The following PTPRT variants were observed in gnomAD, a reference collection of about 807,000 sequenced individuals.
PTPRT encodes receptor-type tyrosine-protein phosphatase T.
In PTPRT, 56 loss-of-function variants were observed where a neutral mutation model predicts 176.8. The observed-to-expected ratio is 0.32, with a 90% confidence interval of 0.26 to 0.40. The LOEUF is 0.40. Ranked by LOEUF, PTPRT falls within the 10% of genes least tolerant of loss-of-function variation. PTPRT has a pLI of 1.00. For synonymous variants in PTPRT, 783 were observed against 739.0 expected (o/e 1.06, Z -0.96); for missense variants, 1,540 against 1,908.2 (o/e 0.81, Z 3.60).
chr20:42,051,420 G>C, the PTPRT span, among the ~76,000 whole-genome samples: 1 of 152,198 alleles, frequency 6.6e-6, no homozygotes, highest in Non-Finnish European at 1.5e-5. Context: ...GGCAAGGAGG[G>C]AAAAGAATTG....
At chr20:42,108,403 GATA>G (rs1337249574) in intron 23 of PTPRT, among the ~76,000 whole-genome samples, 1 of 151,390 alleles carries the variant, frequency 6.6e-6, no homozygotes, top group African/African-American at 2.4e-5. Flanking sequence ...AAATGATGTT[GATA>G]ATAATTAAAA....
intron 7 of PTPRT, among the ~76,000 whole-genome samples, chr20:42,614,252 G>C (rs912940854): frequency 6.6e-6 from 1 of 151,952 alleles, no homozygotes; most frequent in Admixed American, 6.6e-5. Context: ...TTTTTGTAAG[G>C]ACACCTGTCA....
intron 1 of PTPRT, among the ~76,000 whole-genome samples, chr20:43,159,312 G>A (rs2014618532): frequency 6.6e-6 from 1 of 152,188 alleles, no homozygotes; most frequent in Non-Finnish European, 1.5e-5. Flanking sequence ...AGATGCAATT[G>A]GAAGTCGGCT....
intron 7 of PTPRT, among the ~76,000 whole-genome samples, chr20:42,569,947 T>G (rs1362539949): frequency 6.6e-6 from 1 of 152,180 alleles, no homozygotes; most frequent in African/African-American, 2.4e-5. Flanking sequence ...AACTACTAAG[T>G]CTATGTTACA....
intron 1 of PTPRT, among the ~76,000 whole-genome samples, chr20:42,903,500 G>C (rs574404127): frequency 7.9e-5 from 12 of 152,298 alleles, no homozygotes; most frequent in Non-Finnish European, 1.5e-4. Context: ...CTCGATAATA[G>C]CATCCGGCGT....
Position 43,098,318 on chromosome 20 carries a change from A to G in PTPRT, c.88+91328T>C, listed in dbSNP as rs527823081. Reference sequence around the variant, plus strand: ...ACAGCCTAGGTTCCGGTCCCAGCTGAAAGACCTTGGCCATGTGACTCAACC... The same window carrying G: ...ACAGCCTAGGTTCCGGTCCCAGCTGGAAGACCTTGGCCATGTGACTCAACC... On this transcript the variant is annotated intron_variant, in intron 1 of 30. Coordinates refer to ENST00000373187, the MANE Select transcript of PTPRT (RefSeq NM_007050.6). Among the ~76,000 whole-genome samples the G allele has an allele frequency of 5.3e-5, 8 of 152,316 alleles. No homozygotes were observed. The South Asian group carries it at 1.5e-3, about 28-fold the overall frequency.
At chr20:42,931,602 G>A (rs571590793) in intron 1 of PTPRT, among the ~76,000 whole-genome samples, 3 of 152,306 alleles carry the variant, frequency 2.0e-5, no homozygotes, top group Admixed American at 2.0e-4. Flanking sequence ...CCTTCTCATA[G>A]AAGAGGCAGA....
chr20:42,875,156 C>G (rs1568652089), intron 2 of PTPRT, among the ~76,000 whole-genome samples: 1 of 152,172 alleles, frequency 6.6e-6, no homozygotes, highest in Admixed American at 6.5e-5. Context: ...TCAAGGCAAG[C>G]ATCTATGTGG....
chr20:42,421,186 A>G (rs1429916892), intron 9 of PTPRT, among the ~76,000 whole-genome samples: 1 of 152,080 alleles, frequency 6.6e-6, no homozygotes, highest in Non-Finnish European at 1.5e-5. Flanking sequence ...TGCAGTCTGC[A>G]CTTCTCTTCT....
intron 12 of PTPRT, among the ~76,000 whole-genome samples, chr20:42,291,501 T>C (rs191648910): frequency 6.6e-6 from 1 of 152,150 alleles, no homozygotes; most frequent in African/African-American, 2.4e-5. Context: ...CTAAATGAGG[T>C]TGTGTTTAAA....
At chr20:43,043,606 T>C (rs1283717510) in intron 1 of PTPRT, among the ~76,000 whole-genome samples, 2 of 152,196 alleles carry the variant, frequency 1.3e-5, no homozygotes, top group Non-Finnish European at 2.9e-5. Flanking sequence ...AACCCCGCCT[T>C]GAGCCTTTCT....
At chr20:43,104,691 A>C (rs113042451) in intron 1 of PTPRT, among the ~76,000 whole-genome samples, 3,700 of 152,310 alleles carry the variant, frequency 0.024, 162 homozygotes, top group African/African-American at 0.084. Context: ...ACAGTTGCAC[A>C]GTGTCAGTGA....
chr20:42,657,459 G>A (rs1376396779), intron 7 of PTPRT, among the ~76,000 whole-genome samples: 1 of 152,102 alleles, frequency 6.6e-6, no homozygotes, highest in Non-Finnish European at 1.5e-5. Context: ...TTCTTTTCAG[G>A]CTCTTTCTTC....
intron 7 of PTPRT, among the ~76,000 whole-genome samples, chr20:42,591,209 T>C (rs916699208): frequency 6.6e-6 from 1 of 151,866 alleles, no homozygotes; most frequent in Non-Finnish European, 1.5e-5. Flanking sequence ...AAGGGAAAGA[T>C]TGATAAATTT....
intron 7 of PTPRT, among the ~76,000 whole-genome samples, chr20:42,535,276 T>C (rs1166709582): frequency 6.6e-6 from 1 of 151,832 alleles, no homozygotes; most frequent in Non-Finnish European, 1.5e-5. Context: ...AAATGATGAG[T>C]ACATAGGGAC....
intron 1 of PTPRT, among the ~76,000 whole-genome samples, chr20:42,913,756 G>C (rs1978550076): frequency 6.6e-6 from 1 of 152,126 alleles, no homozygotes; most frequent in Non-Finnish European, 1.5e-5. Context: ...ATTAACTTTA[G>C]ATTGAGAAAA....
the PTPRT span, among the ~76,000 whole-genome samples, chr20:42,040,156 G>C: frequency 1.3e-5 from 2 of 151,836 alleles, no homozygotes; most frequent in Non-Finnish European, 2.9e-5. Flanking sequence ...ATATCTCCTT[G>C]TGGTTGTAAG....
intron 9 of PTPRT, among the ~76,000 whole-genome samples, chr20:42,353,530 G>A (rs2058316585): frequency 6.6e-6 from 1 of 152,180 alleles, no homozygotes; most frequent in South Asian, 2.1e-4. Flanking sequence ...AATGATTTGT[G>A]TCTACTGTTC....
intron 17 of PTPRT, among the ~76,000 whole-genome samples, chr20:42,153,559 T>C (rs1419877300): frequency 6.6e-6 from 1 of 152,092 alleles, no homozygotes; most frequent in Non-Finnish European, 1.5e-5. Context: ...ATATTGTAAG[T>C]AGAACAATAA....
Sources: allele counts gnomAD v4.1 joint callset (sites outside exome capture counted in the v4.1 genomes callset), GRCh38; gene constraint gnomAD v4.1.1; transcripts MANE v1.5; gene names NCBI Gene and HGNC (gene_info 2026-07-23, HGNC 2026-07-21).